Variants in DNAH1 observed in about 807,000 individuals in gnomAD.
DNAH1 encodes the protein axonemal beta dynein heavy chain 1.
A neutral mutation model predicts 484.3 loss-of-function variants in DNAH1; 327 were observed. That is an observed-to-expected ratio of 0.68 (90% CI 0.62 to 0.74). The LOEUF (loss-of-function observed/expected upper bound fraction) is 0.74. DNAH1 is among the 30% of genes least tolerant of loss of function. The pLI, the probability that DNAH1 is intolerant of heterozygous loss-of-function variation, is 0.00. For synonymous variants in DNAH1, 2,192 were observed against 2,191.9 expected (o/e 1.00, Z 0.00); for missense variants, 5,052 against 5,546.8 (o/e 0.91, Z 2.83).
At chr3:52,345,908 C>T (rs900456510) in intron 10 of DNAH1, among the ~76,000 whole-genome samples, 2 of 152,194 alleles carry the variant, frequency 1.3e-5, no homozygotes, top group African/African-American at 4.8e-5. Context: ...AATGACTCAT[C>T]TTGGAGAGAA....
chr3:52,364,675 T>C lies in DNAH1; in HGVS notation c.5282T>C (p.Val1761Ala). Residue 1761 changes from valine to alanine, a missense_variant, in exon 33 of 78, where the codon GTG becomes GCG. By Grantham distance (64) the Val-to-Ala change is moderately conservative (BLOSUM62 0). Coordinates refer to ENST00000420323, the MANE Select transcript of DNAH1 (RefSeq NM_015512.5). The surrounding 1 kb of genome is among the most constrained non-coding windows in gnomAD (Gnocchi z 4.2). ...YDFGMRAVKTVISAAGNLKRE... is the reference protein window; with the variant it reads ...YDFGMRAVKTAISAAGNLKRE... ...TTCGGGATGAGAGCCGTGAAAACTG[T>C]GATCTCGGCTGCTGGGAACCTCAAG... 1 of 1,613,966 alleles carries C rather than the reference T, an allele frequency of 6.2e-7. No individual in the cohort carries two copies. Among genetic ancestry groups the C allele is most frequent in the African/African-American group, 1.3e-5 (1 of 75,038 alleles).
At chr3:52,367,029 C>T (rs1703111538) in intron 36 of DNAH1, 142 bp downstream of exon 36, 2 of 1,061,670 alleles carry the variant, frequency 1.9e-6, no homozygotes, top group South Asian at 3.4e-5. Context: ...CTCCATTCTA[C>T]TTCCTCGCTG....
intron 70 of DNAH1, 58 bp from the exon 71 acceptor site, chr3:52,396,310 G>C: frequency 6.6e-7 from 1 of 1,521,416 alleles, no homozygotes; most frequent in South Asian, 1.2e-5. Flanking sequence ...AGGGAGCCTG[G>C]TGTCAGGGTG....
At chr3:52,385,901 C>A (rs147627947) in intron 54 of DNAH1, among the ~76,000 whole-genome samples, 35 of 152,364 alleles carry the variant, frequency 2.3e-4, no homozygotes, top group African/African-American at 7.0e-4. Flanking sequence ...CTCTGTCTTG[C>A]ATGAAGGTGC....
At chr3:52,337,213 A>G (rs1701770499) in intron 8 of DNAH1, among the ~76,000 whole-genome samples, 1 of 151,976 alleles carries the variant, frequency 6.6e-6, no homozygotes, top group Non-Finnish European at 1.5e-5. Context: ...TGTGTTCTTG[A>G]TTTGGCTCTT....
rs553000030 is a variant in DNAH1, at chr3:52,353,288, T to A, written c.3213T>A (p.Phe1071Leu). 6.2e-7 allele frequency: 1 copy of A among 1,613,592 alleles called. No individual in the cohort carries two copies. The highest frequency in any genetic ancestry group is 1.3e-5 in the African/African-American group (1 of 75,036). ...FKTMHKCVKQ[F>L]KDMPACQEVA... ...CCATGCACAAGTGCGTGAAGCAGTT[T>A]AAGGACATGCCAGGTAGGGAGCCAA... Residue 1071 changes from phenylalanine (F) to leucine (L), a missense_variant, in exon 19 of 78, where the codon TTT (phenylalanine) becomes TTA (leucine). Phe to Leu is a conservative substitution (Grantham distance 22). This residue lies in a region of DNAH1 where 2,929 missense variants were observed against 3,409.4 expected (regional missense o/e 0.86). Transcript: ENST00000420323. The surrounding 1 kb of genome is among the most constrained non-coding windows in gnomAD (Gnocchi z 5.0).
In DNAH1 at chr3:52,388,545, C is replaced by T. The variant is rs768881234; in HGVS notation, c.9299C>T (p.Thr3100Ile). Residue 3100 changes from threonine to isoleucine, a missense_variant, in exon 58 of 78, where the codon ACC (threonine) becomes ATC (isoleucine). Physicochemically the swap from Thr to Ile is moderately conservative, Grantham distance 89. This residue lies in a region of DNAH1 where 2,929 missense variants were observed against 3,409.4 expected (regional missense o/e 0.86). Transcript: ENST00000420323. ...CAGGCTAAGTACCGGGAATGCATTA[C>T]CAAGAAGGAGGAGCTGGAGCTGAAG... ...TMQAKYRECI[T>I]KKEELELKCE... The T allele has an allele frequency of 2.5e-6, 4 of 1,613,112 alleles. No homozygotes were observed. The East Asian group carries it at 8.9e-5, about 36-fold the overall frequency.
At chr3:52,385,654 C>T (rs1324188315) in intron 54 of DNAH1, among the ~76,000 whole-genome samples, 2 of 152,210 alleles carry the variant, frequency 1.3e-5, no homozygotes, top group African/African-American at 4.8e-5. Flanking sequence ...GGCAGGGGGT[C>T]GGTGAGGAGC....
intron 4 of DNAH1, 42 bp downstream of exon 4, chr3:52,326,356 C>T: frequency 6.4e-7 from 1 of 1,572,826 alleles, no homozygotes; most frequent in Non-Finnish European, 8.6e-7. Context: ...GGGGAGGTGG[C>T]ATCCACCCGC....
chr3:52,325,290 G>A (rs1701296414), intron 3 of DNAH1, among the ~76,000 whole-genome samples: 1 of 152,100 alleles, frequency 6.6e-6, no homozygotes, highest in Non-Finnish European at 1.5e-5. Flanking sequence ...CCACCTCTTG[G>A]TCCCAGGGAG....
chr3:52,386,515 C>A, intron 55 of DNAH1, 147 bp from the exon 56 acceptor site: 1 of 1,284,992 alleles, frequency 7.8e-7, no homozygotes, highest in Non-Finnish European at 1.1e-6. Context: ...GAACTGTGGG[C>A]TGAGGCCAAC....
intron 36 of DNAH1, among the ~76,000 whole-genome samples, chr3:52,367,726 A>G (rs1175201743): frequency 1.3e-5 from 2 of 152,128 alleles, no homozygotes; most frequent in Non-Finnish European, 2.9e-5. Flanking sequence ...GGCATGTGCC[A>G]CCATGCCCGG....
rs1703771495 is a variant in DNAH1 at position 52,379,990 on chromosome 3, G to T, written c.7463G>T (p.Trp2488Leu). 1.3e-6 allele frequency: 2 copies of T among 1,589,070 alleles called. No individual in the cohort carries two copies. Among genetic ancestry groups the T allele is most frequent in the Non-Finnish European group, 1.7e-6 (2 of 1,167,956 alleles). Residue 2488 changes from tryptophan (W) to leucine (L), a missense_variant, in exon 48 of 78, where the codon TGG becomes TTG. Physicochemically the swap from Trp to Leu is moderately conservative, Grantham distance 61. Transcript: ENST00000420323. The surrounding 1 kb of genome is among the most constrained non-coding windows in gnomAD (Gnocchi z 4.4). Reference protein sequence around the residue: ...DRLVNEEDRSWFDQLLKRCME... With the variant: ...DRLVNEEDRSLFDQLLKRCME... ...CTGGTGAATGAGGAGGACCGCAGCT[G>T]GTTCGACCAGCTCCTCAAGCGCTGC...
chr3:52,389,348 G>A, intron 59 of DNAH1, 113 bp from the exon 60 acceptor site: 1 of 1,456,890 alleles, frequency 6.9e-7, no homozygotes, highest in Non-Finnish European at 9.4e-7. Flanking sequence ...CAGGTATCTG[G>A]CTCCATGTCT....
intron 39 of DNAH1, 38 bp downstream of exon 39, chr3:52,370,267 C>G: frequency 6.2e-7 from 1 of 1,604,378 alleles, no homozygotes; most frequent in Non-Finnish European, 8.5e-7. Flanking sequence ...CACCTGGTCC[C>G]TCTCCCCACA....
chr3:52,347,435 A>C (rs950780115), intron 11 of DNAH1, among the ~76,000 whole-genome samples: 8 of 152,148 alleles, frequency 5.3e-5, no homozygotes, highest in Admixed American at 5.2e-4. Flanking sequence ...GATTTATTCT[A>C]AGTACAGTCA....
At position 52,392,906 on chromosome 3, in the gene DNAH1, G is replaced by T; in HGVS notation, c.10355G>T (p.Arg3452Leu). 6.2e-7 allele frequency: 1 copy of T among 1,611,088 alleles called. No individual in the cohort carries two copies. The highest frequency in any genetic ancestry group is 8.5e-7 in the Non-Finnish European group (1 of 1,179,318). Residue 3452 changes from arginine (R) to leucine (L), a missense_variant, in exon 65 of 78, where the codon CGC (arginine) becomes CTC (leucine). Transcript: ENST00000420323. ...TRMEYIPVAIRTQILFFCVSD... is the reference protein window; with the variant it reads ...TRMEYIPVAILTQILFFCVSD... ...ATGGAGTACATACCCGTGGCCATCC[G>T]CACCCAGATCCTCTTCTTCTGTGTG... is the stretch of plus-strand genomic sequence containing the variant.
Position 52,395,172 on chromosome 3 carries a change from C to A in DNAH1, c.10968+113C>A. ...TTGGCCAGGCCAGGACCCCTGCTTG[C>A]TCCCTAAAGGCTCTGAGGTTCCAGC... On this transcript the variant is annotated intron_variant, in intron 68 of 77. Transcript: ENST00000420323. This position sits in a 1 kb window ranked among gnomAD's most constrained non-coding sequence, Gnocchi z 4.4. The A allele has an allele frequency of 6.7e-7, 1 of 1,496,300 alleles. No homozygotes were observed. Among genetic ancestry groups the A allele is most frequent in the Non-Finnish European group, 9.0e-7 (1 of 1,114,614 alleles). The allele number at this position is 1,496,300 out of a possible 1,614,324, so 92.7% of individuals were successfully genotyped here.
At chr3:52,389,680 C>T in intron 60 of DNAH1, 94 bp downstream of exon 60, 1 of 1,247,254 alleles carries the variant, frequency 8.0e-7, no homozygotes, top group South Asian at 3.5e-5. Flanking sequence ...CCCTGCTTTC[C>T]AGGGCCTGGC....
Sources: allele counts gnomAD v4.1 joint callset (sites outside exome capture counted in the v4.1 genomes callset), GRCh38; gene constraint gnomAD v4.1.1; regional missense constraint gnomAD v4.1.1; non-coding constraint Gnocchi (gnomAD v3.1); transcripts MANE v1.5; gene names NCBI Gene and HGNC (gene_info 2026-07-23, HGNC 2026-07-21).